CSTPP1: variants seen among roughly 807,000 people sequenced by gnomAD.
CSTPP1 encodes the protein centriolar satellite-associated tubulin polyglutamylase complex regulator 1.
chr11:46,950,736 C>T, the CSTPP1 span, among the ~76,000 whole-genome samples: 6 of 152,080 alleles, frequency 3.9e-5, no homozygotes, highest in South Asian at 1.0e-3. Context: ...CTCAGCCTCC[C>T]GAGTAGCTGG....
At chr11:47,027,739 G>T in the CSTPP1 span, among the ~76,000 whole-genome samples, 1 of 152,038 alleles carries the variant, frequency 6.6e-6, no homozygotes, top group African/African-American at 2.4e-5. Flanking sequence ...CTCACAGATG[G>T]GTTCACCTAT....
chr11:47,155,206 C>T, the CSTPP1 span: 2 of 1,613,734 alleles, frequency 1.2e-6, no homozygotes, highest in African/African-American at 1.3e-5. Context: ...CCATGGACTG[C>T]TTGATGTCTT....
chr11:47,130,078 GAA>G, the CSTPP1 span, among the ~76,000 whole-genome samples: 1 of 152,124 alleles, frequency 6.6e-6, no homozygotes, highest in East Asian at 1.9e-4. Context: ...CCAACATGGT[GAA>G]ACCCCATCTC....
chr11:47,161,724 T>C, the CSTPP1 span: 3 of 1,501,894 alleles, frequency 2.0e-6, no homozygotes, highest in Non-Finnish European at 2.7e-6. Flanking sequence ...CTCCAGCACC[T>C]TGCTGTGCTG....
chr11:47,033,771 C>T, the CSTPP1 span, among the ~76,000 whole-genome samples: 3 of 152,320 alleles, frequency 2.0e-5, no homozygotes, highest in South Asian at 2.1e-4. Flanking sequence ...GATTCTCTTC[C>T]ATAGCGTTGA....
the CSTPP1 span, among the ~76,000 whole-genome samples, chr11:47,116,539 TTC>T: frequency 1.3e-5 from 2 of 152,130 alleles, no homozygotes; most frequent in Non-Finnish European, 2.9e-5. Context: ...TAGTTAGCTC[TTC>T]TTGTTGAATT....
At chr11:47,102,286 CT>C in the CSTPP1 span, among the ~76,000 whole-genome samples, 1 of 151,484 alleles carries the variant, frequency 6.6e-6, no homozygotes, top group African/African-American at 2.4e-5. Flanking sequence ...ACAAAGATGT[CT>C]TTTTTTTCTT....
At chr11:47,085,942 GAA>G in the CSTPP1 span, among the ~76,000 whole-genome samples, 1 of 138,274 alleles carries the variant, frequency 7.2e-6, no homozygotes, top group African/African-American at 2.7e-5. Flanking sequence ...CAGTCTCTGA[GAA>G]AGTGTGCATG....
chr11:47,115,368 T>C, the CSTPP1 span, among the ~76,000 whole-genome samples: 1 of 152,240 alleles, frequency 6.6e-6, no homozygotes, highest in Admixed American at 6.5e-5. Context: ...GAGGATTCCC[T>C]CTTTTTCTAT....
At chr11:46,982,436 T>A in the CSTPP1 span, among the ~76,000 whole-genome samples, 2 of 151,922 alleles carry the variant, frequency 1.3e-5, no homozygotes, top group African/African-American at 4.8e-5. Context: ...TTATTGGGAC[T>A]CTGTATTAAA....
At chr11:47,039,749 G>C in the CSTPP1 span, among the ~76,000 whole-genome samples, 2 of 128,426 alleles carry the variant, frequency 1.6e-5, 1 homozygote, top group Non-Finnish European at 3.7e-5. Context: ...TGAGGCACGA[G>C]AATGGCATGA....
At chr11:47,130,278 A>C in the CSTPP1 span, among the ~76,000 whole-genome samples, 1 of 152,008 alleles carries the variant, frequency 6.6e-6, no homozygotes, top group Non-Finnish European at 1.5e-5. Flanking sequence ...ACCAAAAAAA[A>C]ACTAAAGGGG....
the CSTPP1 span, among the ~76,000 whole-genome samples, chr11:47,049,224 C>T: frequency 1.2e-3 from 181 of 152,196 alleles, no homozygotes; most frequent in Non-Finnish European, 2.0e-3. Context: ...TGAGCTCAAG[C>T]AGCCCACCCA....
the CSTPP1 span, among the ~76,000 whole-genome samples, chr11:47,073,988 T>G: frequency 5.0e-4 from 76 of 152,320 alleles, no homozygotes; most frequent in African/African-American, 1.8e-3. Flanking sequence ...CAGTGGCTTT[T>G]CATATAGTCT....
the CSTPP1 span, among the ~76,000 whole-genome samples, chr11:47,065,333 A>G: frequency 3.3e-5 from 5 of 152,040 alleles, no homozygotes; most frequent in African/African-American, 9.7e-5. Flanking sequence ...TTTAAGAGAA[A>G]GTGTCTTGCT....
At chr11:47,070,481 G>T in the CSTPP1 span, among the ~76,000 whole-genome samples, 1 of 152,248 alleles carries the variant, frequency 6.6e-6, no homozygotes, top group African/African-American at 2.4e-5. Flanking sequence ...CTCGACCACA[G>T]CCAGCAGGCA....
the CSTPP1 span, among the ~76,000 whole-genome samples, chr11:47,054,181 G>T: frequency 6.6e-6 from 1 of 150,794 alleles, no homozygotes; most frequent in African/African-American, 2.4e-5. Flanking sequence ...TGTGGTGGCG[G>T]GTGCCTGTAG....
At chr11:47,081,975 C>T in the CSTPP1 span, among the ~76,000 whole-genome samples, 1 of 144,718 alleles carries the variant, frequency 6.9e-6, no homozygotes, top group Non-Finnish European at 1.5e-5. Context: ...TGGTGGCGCA[C>T]GCTTATATTA....
chr11:47,104,318 T>G, the CSTPP1 span, among the ~76,000 whole-genome samples: 1 of 152,214 alleles, frequency 6.6e-6, no homozygotes, highest in Non-Finnish European at 1.5e-5. Flanking sequence ...TTTCAAAATC[T>G]AACACATTGT....
Sources: allele counts gnomAD v4.1 joint callset (sites outside exome capture counted in the v4.1 genomes callset), GRCh38; gene constraint gnomAD v4.1.1; transcripts MANE v1.5; gene names NCBI Gene and HGNC (gene_info 2026-07-23, HGNC 2026-07-21).